The following MAMDC4 variants were observed in gnomAD, a reference collection of about 807,000 sequenced individuals.
MAMDC4 encodes the protein MAM domain containing 4, also known as apical endosomal glycoprotein.
Under a neutral mutation model 153.3 loss-of-function variants are expected in MAMDC4, and 168 were observed. The ratio of observed to expected loss-of-function variants is 1.10; its 90% CI spans 0.97 to 1.25. The LOEUF is 1.25. MAMDC4 is among the 50% of genes most tolerant of loss of function. The pLI is 0.00. For synonymous variants in MAMDC4, 744 were observed against 651.5 expected (o/e 1.14, Z -2.16); for missense variants, 1,701 against 1,542.8 (o/e 1.10, Z -1.72).
chr9:136,859,780 C>T (rs896131140), intron 25 of MAMDC4, 106 bp from the exon 26 acceptor site: 4 of 1,234,138 alleles, frequency 3.2e-6, no homozygotes, highest in Non-Finnish European at 4.6e-6. Context: ...TAGGGGTGAA[C>T]CCCAGGAGCC....
intron 25 of MAMDC4, 78 bp downstream of exon 25, chr9:136,859,395 G>A: frequency 7.6e-7 from 1 of 1,310,340 alleles, no homozygotes; most frequent in South Asian, 1.4e-5. Flanking sequence ...AGGCTTACCA[G>A]TGTGTGGTCC....
chr9:136,859,781 C>T (rs1797406036), intron 25 of MAMDC4, 105 bp from the exon 26 acceptor site: 3 of 1,250,790 alleles, frequency 2.4e-6, no homozygotes, highest in Non-Finnish European at 3.4e-6. Context: ...AGGGGTGAAC[C>T]CCAGGAGCCA....
chr9:136,855,128 G>A lies in MAMDC4; in HGVS notation c.1197+18G>A. 4 of 1,566,448 alleles carry A rather than the reference G, an allele frequency of 2.6e-6. No individual in the cohort carries two copies. The East Asian group carries it at 7.2e-5, about 28-fold the overall frequency. On this transcript the variant is annotated intron_variant, in intron 10 of 26. Coordinates refer to ENST00000317446, the MANE Select transcript of MAMDC4 (RefSeq NM_206920.3). ...CCTTCCAGGTAGGGAACAGCAAGAG[G>A]GTGGGGTCTGGGGAGCCGCACTGTG...
At chr9:136,852,647 C>T (rs1418592453) in intron 1 of MAMDC4, among the ~76,000 whole-genome samples, 185 bp downstream of exon 1, 1 of 152,180 alleles carries the variant, frequency 6.6e-6, no homozygotes, top group African/African-American at 2.4e-5. Flanking sequence ...GGTCCTCGGG[C>T]CTGCCAAGCA....
Position 136,857,034 on chromosome 9 carries a change from C to T in MAMDC4, c.1965C>T (p.Pro655=), listed in dbSNP as rs1234180799. The T allele has an allele frequency of 6.2e-7, 1 of 1,611,038 alleles. No individual in the cohort carries two copies. The change falls in exon 16 of 27, where the codon CCC becomes CCT. Residue 655 remains proline, a synonymous_variant. Transcript: ENST00000317446. ...CLSFWYHLHG[P]QIGTLRLAMR... ...GCTTCTGGTACCACCTCCATGGGCC[C>T]CAGATTGGTGAGTGGACCTGGAAAC...
Position 136,858,859 on chromosome 9 carries a change from T to A in MAMDC4, c.2956+6T>A, listed in dbSNP as rs1325079486. 2 of 1,604,656 alleles carry A rather than the reference T, an allele frequency of 1.2e-6. No homozygotes were observed. Among genetic ancestry groups the A allele is most frequent in the Non-Finnish European group, 1.7e-6 (2 of 1,175,838 alleles). Reference sequence around the variant, plus strand: ...GGGTTTTCCTGAGCACTTCTGTGAGTCCGGCTGGGCCAATGGGTGCCTGGG... The same window carrying A: ...GGGTTTTCCTGAGCACTTCTGTGAGACCGGCTGGGCCAATGGGTGCCTGGG... On this transcript the variant is annotated splice_donor_region_variant and intron_variant, in intron 23 of 26. Transcript: ENST00000317446.
At chr9:136,860,159 G>A in intron 26 of MAMDC4, 95 bp downstream of exon 26, 1 of 1,360,842 alleles carries the variant, frequency 7.3e-7, no homozygotes, top group Middle Eastern at 2.6e-4. Context: ...CCGGGGAGGA[G>A]CCCCCACCTG....
intron 8 of MAMDC4, 39 bp from the exon 9 acceptor site, chr9:136,854,723 A>T (rs1208668749): frequency 4.3e-6 from 7 of 1,612,224 alleles, no homozygotes; most frequent in Non-Finnish European, 5.9e-6. Context: ...ACGCAGCCAC[A>T]GCCCAGTGGC....
chr9:136,858,117 C>T lies in MAMDC4; in HGVS notation c.2583+20C>T. On this transcript the variant is annotated intron_variant, in intron 20 of 26. Coordinates refer to ENST00000317446, the MANE Select transcript of MAMDC4 (RefSeq NM_206920.3). Reference sequence around the variant, plus strand: ...TGGAGGGTGAGTGCAGGGTGGGGTGCCCCTCCCCCTCCCCCTCCCCCGAGG... The same window carrying T: ...TGGAGGGTGAGTGCAGGGTGGGGTGTCCCTCCCCCTCCCCCTCCCCCGAGG... 6.6e-7 allele frequency: 1 copy of T among 1,518,436 alleles called. No homozygotes were observed. Among genetic ancestry groups the T allele is most frequent in the Non-Finnish European group, 8.8e-7 (1 of 1,132,128 alleles). 94.1% of individuals were successfully genotyped at this position (1,518,436 alleles called of 1,614,324 possible).
rs773195925 is a variant in MAMDC4, at chr9:136,857,764, CCTT to C, written c.2435_2437del (p.Phe812del). The C allele has an allele frequency of 2.5e-6, 4 of 1,612,608 alleles. No homozygotes were observed. The highest frequency in any genetic ancestry group is 1.1e-5 in the South Asian group (1 of 91,072). Reference sequence around the variant, plus strand: ...CCCCTGGCCCAGCCTGCTTGTCTGACCTTCTGGTACCACGGGAGCCTCCGCAGC... The same window carrying C: ...CCCCTGGCCCAGCCTGCTTGTCTGACCTGGTACCACGGGAGCCTCCGCAGC... On this transcript the variant is annotated inframe_deletion, in exon 19 of 27. Coordinates refer to ENST00000317446, the MANE Select transcript of MAMDC4 (RefSeq NM_206920.3).
At position 136,856,744 on chromosome 9, in the gene MAMDC4, C is replaced by T. The variant is rs1395519545; in HGVS notation, c.1755C>T (p.Ser585=). Residue 585 remains serine, a synonymous_variant, in exon 15 of 27, where the codon AGC becomes AGT. Transcript: ENST00000317446. ...GTAACTTTGAGCGGGACACATGCAGCTGGTACCCAGGCCACCTCTCAGACA... is the reference window on the plus strand; with the variant it reads ...GTAACTTTGAGCGGGACACATGCAGTTGGTACCCAGGCCACCTCTCAGACA... ...VSCNFERDTC[S]WYPGHLSDTH... is the part of the protein sequence containing the mutation. 7 of 1,612,482 alleles carry T rather than the reference C, an allele frequency of 4.3e-6. No individual in the cohort carries two copies. In the South Asian group the frequency reaches 5.5e-5, roughly 13 times the overall value.
chr9:136,855,969 G>T, intron 13 of MAMDC4, 49 bp from the exon 14 acceptor site: 3 of 1,578,924 alleles, frequency 1.9e-6, no homozygotes, highest in Non-Finnish European at 2.6e-6. Context: ...GAGGGACAGA[G>T]TGGGGCCCTG....
At position 136,856,846 on chromosome 9, in the gene MAMDC4, CG is replaced by C. The variant is rs757835366; in HGVS notation, c.1837+25del. 4 of 1,612,378 alleles carry C rather than the reference CG, an allele frequency of 2.5e-6. No individual in the cohort carries two copies. Among genetic ancestry groups the C allele is most frequent in the Non-Finnish European group, 3.4e-6 (4 of 1,179,792 alleles). Reference sequence around the variant, plus strand: ...GCCAAGGTAGGATGGGCGCTCAGACCGGGGGTGGCTTTCAGACGAGAGTGGG... The same window carrying C: ...GCCAAGGTAGGATGGGCGCTCAGACCGGGGTGGCTTTCAGACGAGAGTGGG... On this transcript the variant is annotated intron_variant, in intron 15 of 26. Transcript: ENST00000317446.
In MAMDC4 at chr9:136,855,503, G is replaced by A. The variant is rs200879576; in HGVS notation, c.1355G>A (p.Arg452Gln). The A allele has an allele frequency of 3.3e-5, 53 of 1,596,124 alleles. No individual in the cohort carries two copies. The highest frequency in any genetic ancestry group is 4.3e-5 in the Non-Finnish European group (50 of 1,171,780). ...CCCCAGCCCCTGCCGCCCAGCTCGC[G>A]GCTCCAGGATTCCTGCAAGCAGGGG... ...PAPQPLPPSS[R>Q]LQDSCKQGHL... Residue 452 changes from arginine to glutamine, a missense_variant, in exon 12 of 27, where the codon CGG becomes CAG. Coordinates refer to ENST00000317446, the MANE Select transcript of MAMDC4 (RefSeq NM_206920.3).
rs1848949258 is a variant in MAMDC4 at position 136,853,104 on chromosome 9, G to A, written c.49G>A (p.Gly17Arg). 6.2e-7 allele frequency: 1 copy of A among 1,612,086 alleles called. No homozygotes were observed. Among genetic ancestry groups the A allele is most frequent in the Admixed American group, 1.7e-5 (1 of 59,948 alleles). The stretch of plus-strand genomic sequence containing the variant: ...CCTGGCTGTCAACCTCCCAGCAGCA[G>A]GGTCCTCAGGCTGGGCCTGGGTCCC... ...LLPALVLFLAGSSGWAWVPNH... is the reference protein window; with the variant it reads ...LLPALVLFLARSSGWAWVPNH... Residue 17 changes from glycine (G) to arginine (R), a missense_variant and splice_region_variant, in exon 2 of 27, where the codon GGG (glycine) becomes AGG (arginine). By Grantham distance (125) the Gly-to-Arg change is moderately radical. Transcript: ENST00000317446.
rs746091425 is a variant in MAMDC4 at position 136,853,396 on chromosome 9, G to A, written c.266G>A (p.Arg89Lys). Residue 89 changes from arginine to lysine, a missense_variant, in exon 3 of 27, where the codon AGG becomes AAG. By Grantham distance (26) the Arg-to-Lys change is conservative (BLOSUM62 2). Transcript: ENST00000317446. ...TCAGGCTACAGCTGGCTCCGAGACA[G>A]GGCAGGGGCCGCACTGGAGGGTCCT... is the stretch of plus-strand genomic sequence containing the variant. ...STSGYSWLRDRAGAALEGPGP... is the reference protein window; with the variant it reads ...STSGYSWLRDKAGAALEGPGP... The A allele has an allele frequency of 1.2e-6, 2 of 1,605,360 alleles. No homozygotes were observed. The highest frequency in any genetic ancestry group is 2.2e-5 in the South Asian group (2 of 90,708).
Position 136,854,931 on chromosome 9 carries a change from C to T in MAMDC4, c.1024-6C>T. On this transcript the variant is annotated splice_region_variant and splice_polypyrimidine_tract_variant and intron_variant, in intron 9 of 26. Transcript: ENST00000317446. ...GCAGGCCCCCAGCCAGCTCTTGGTT[C>T]CACAGCTGGTCTTCTATCAGTACCT... The T allele has an allele frequency of 6.2e-7, 1 of 1,612,016 alleles. No homozygotes were observed. Among genetic ancestry groups the T allele is most frequent in the Non-Finnish European group, 8.5e-7 (1 of 1,179,526 alleles).
In MAMDC4 at chr9:136,852,402, C is replaced by T. The variant is rs763838225; in HGVS notation, c.-15C>T. 5.6e-6 allele frequency: 9 copies of T among 1,609,020 alleles called. No homozygotes were observed. Among genetic ancestry groups the T allele is most frequent in the Non-Finnish European group, 6.8e-6 (8 of 1,179,942 alleles). Reference sequence around the variant, plus strand: ...AGGCACCCTGTGTGGCCGCACTGCTCCCTCTGGCCCAACCATGCCTCTGTC... The same window carrying T: ...AGGCACCCTGTGTGGCCGCACTGCTTCCTCTGGCCCAACCATGCCTCTGTC... On this transcript the variant is annotated 5_prime_UTR_variant, in exon 1 of 27. Transcript: ENST00000317446.
rs1205378233 is a variant in MAMDC4 at position 136,853,139 on chromosome 9, C to A, written c.84C>A (p.Cys28Ter). 6.8e-6 allele frequency: 11 copies of A among 1,612,800 alleles called. No homozygotes were observed. The highest frequency in any genetic ancestry group is 9.3e-6 in the Non-Finnish European group (11 of 1,179,962). ...SSGWAWVPNH[C>*]RSPGQAVCNF... Reference sequence around the variant, plus strand: ...GCTGGGCCTGGGTCCCCAACCACTGCAGGAGCCCTGGCCAGGCCGTGTGCA... The same window carrying A: ...GCTGGGCCTGGGTCCCCAACCACTGAAGGAGCCCTGGCCAGGCCGTGTGCA... Residue 28 changes from cysteine to a stop codon, truncating the protein, a stop_gained, in exon 2 of 27, where the codon TGC becomes TGA. Coordinates refer to ENST00000317446, the MANE Select transcript of MAMDC4 (RefSeq NM_206920.3). LOFTEE classifies it high-confidence loss of function.
Sources: gnomAD v4.1 joint callset for allele counts (sites outside exome capture counted in the v4.1 genomes callset) on GRCh38, gnomAD v4.1.1 for gene constraint, MANE v1.5 for transcripts, NCBI Gene and HGNC (gene_info 2026-07-23, HGNC 2026-07-21) for gene names.